S100A5: variants seen among roughly 807,000 people sequenced by gnomAD.
S100A5 encodes the protein S100 calcium binding protein A5, also known as protein S100-A5.
Under a neutral mutation model 6.7 loss-of-function variants are expected in S100A5, and 5 were observed. That is an observed-to-expected ratio of 0.75 (90% CI 0.39 to 1.57). S100A5 has a LOEUF of 1.57. Ranked by LOEUF, S100A5 falls within the 40% of genes most tolerant of loss-of-function variation. S100A5 has a pLI of 0.03. For missense variants in S100A5, 129 were observed against 110.8 expected (o/e 1.16, Z -0.74); for synonymous variants, 49 against 44.9 (o/e 1.09, Z -0.37).
chr1:153,543,581 C>T (rs1352111869), upstream of S100A5: 1 of 703,476 alleles, frequency 1.4e-6, no homozygotes, highest in South Asian at 1.8e-5. Flanking sequence ...TCCCTCAGTC[C>T]CCAACCCACG....
At chr1:153,538,425 A>G (rs1470037827) in intron 2 of S100A5, among the ~76,000 whole-genome samples, 1 of 152,106 alleles carries the variant, frequency 6.6e-6, no homozygotes, top group Non-Finnish European at 1.5e-5. Flanking sequence ...AAAGGCGGAA[A>G]CTGCTTGTCT....
chr1:153,541,701 A>T, upstream of S100A5: 4 of 1,148,730 alleles, frequency 3.5e-6, no homozygotes, highest in Non-Finnish European at 3.3e-6. Context: ...CTGAAATCTG[A>T]TGGAACAATA....
intron 2 of S100A5, among the ~76,000 whole-genome samples, chr1:153,537,873 C>T (rs985508136): frequency 1.7e-4 from 26 of 152,130 alleles, no homozygotes; most frequent in African/African-American, 6.3e-4. Flanking sequence ...CATGGTGAAA[C>T]CCTGTCTCTA....
At chr1:153,541,567 C>A, upstream of S100A5, 8 of 1,246,534 alleles carry the variant, frequency 6.4e-6, no homozygotes, top group Non-Finnish European at 8.3e-6. Context: ...GGGGAGAAAC[C>A]CCTTCTGCCA....
chr1:153,543,560 C>T (rs1019418749), upstream of S100A5: 9 of 622,604 alleles, frequency 1.4e-5, no homozygotes, highest in African/African-American at 1.6e-4. Context: ...CCACCACCAC[C>T]CCACAACATA....
chr1:153,542,235 C>A (rs1249173094), upstream of S100A5, among the ~76,000 whole-genome samples: 1 of 152,200 alleles, frequency 6.6e-6, no homozygotes, highest in Admixed American at 6.5e-5. Flanking sequence ...AGTCCAAGAA[C>A]AGACCTGGGC....
In S100A5 at chr1:153,537,233, T is replaced by A; in HGVS notation, c.*63A>T. On this transcript the variant is annotated 3_prime_UTR_variant, in exon 3 of 3. Transcript: ENST00000368717. ...GGAGGGCAGGGGGCCAAAGAGGGTC[T>A]GTGAGAGGAGCAGCCGAGGTCAGCA... 2 of 1,578,428 alleles carry A rather than the reference T, an allele frequency of 1.3e-6. No homozygotes were observed. Among genetic ancestry groups the A allele is most frequent in the South Asian group, 2.3e-5 (2 of 87,962 alleles).
upstream of S100A5, among the ~76,000 whole-genome samples, chr1:153,540,935 G>A (rs1665364835): frequency 6.6e-6 from 1 of 152,204 alleles, no homozygotes; most frequent in South Asian, 2.1e-4. Flanking sequence ...AGAGACAGAT[G>A]GAGCTCAAGT....
upstream of S100A5, chr1:153,543,148 T>C (rs946332509): frequency 2.7e-5 from 24 of 873,938 alleles, no homozygotes; most frequent in South Asian, 5.2e-5. Flanking sequence ...ACTGTCAACG[T>C]CAGCACTGAG....
intron 2 of S100A5, among the ~76,000 whole-genome samples, chr1:153,538,312 G>C (rs1458359715): frequency 6.6e-6 from 1 of 152,114 alleles, no homozygotes; most frequent in Admixed American, 6.6e-5. Flanking sequence ...ATGGAGTCAG[G>C]GTCCTTTGGG....
At chr1:153,538,590 A>T (rs1354780660) in intron 2 of S100A5, among the ~76,000 whole-genome samples, 1 of 152,164 alleles carries the variant, frequency 6.6e-6, no homozygotes, top group Non-Finnish European at 1.5e-5. Flanking sequence ...AAGGCCAGAG[A>T]TCAGGCCTGG....
At chr1:153,539,424 C>CAAA (rs149327889) in intron 2 of S100A5, among the ~76,000 whole-genome samples, 4 of 35,138 alleles carry the variant, frequency 1.1e-4, no homozygotes, top group Non-Finnish European at 1.8e-4. Context: ...GAGACTCTCT[C>CAAA]AAAAAAAAAA....
intron 2 of S100A5, among the ~76,000 whole-genome samples, chr1:153,539,192 C>A (rs1665285672): frequency 6.6e-6 from 1 of 151,546 alleles, no homozygotes; most frequent in Non-Finnish European, 1.5e-5. Context: ...CTTTGGGAGT[C>A]CGAGGCAGAT....
rs61805734 is a variant in S100A5 at position 153,540,248 on chromosome 1, C to T, written c.-14-43G>A. The T allele has an allele frequency of 5.3e-3, 8,564 of 1,604,224 alleles. 29 individuals carry two copies. The highest frequency in any genetic ancestry group is 6.4e-3 in the Non-Finnish European group (7,553 of 1,172,318). ...AAGATCCCATTCCTCAGGAAGTCAC[C>T]ACCAGCAGCACTAGCCTACCTCTGA... On this transcript the variant is annotated intron_variant, in intron 1 of 2. Coordinates refer to ENST00000368717, the MANE Select transcript of S100A5 (RefSeq NM_001394232.1).
Position 153,537,247 on chromosome 1 carries a change from C to T in S100A5, c.*49G>A, listed in dbSNP as rs1434737587. 6.3e-7 allele frequency: 1 copy of T among 1,592,204 alleles called. No individual in the cohort carries two copies. The highest frequency in any genetic ancestry group is 1.1e-5 in the South Asian group (1 of 89,314). On this transcript the variant is annotated 3_prime_UTR_variant, in exon 3 of 3. Transcript: ENST00000368717. ...CAAAGAGGGTCTGTGAGAGGAGCAGCCGAGGTCAGCAGCAAAGGGTGGAGG... is the reference window on the plus strand; with the variant it reads ...CAAAGAGGGTCTGTGAGAGGAGCAGTCGAGGTCAGCAGCAAAGGGTGGAGG...
chr1:153,539,450 A>AATATAT (rs1173862697), intron 2 of S100A5, among the ~76,000 whole-genome samples: 1,162 of 31,108 alleles, frequency 0.037, 58 homozygotes, highest in South Asian at 0.065. Flanking sequence ...AAAAAAAAAA[A>AATATAT]ATATATATAT....
chr1:153,540,349 T>C (rs1037768804), intron 1 of S100A5, 144 bp from the exon 2 acceptor site: 2 of 756,924 alleles, frequency 2.6e-6, no homozygotes, highest in Non-Finnish European at 4.2e-6. Context: ...CCCATCTATA[T>C]CAGTACAGGT....
chr1:153,541,826 C>A, upstream of S100A5: 1 of 1,039,518 alleles, frequency 9.6e-7, no homozygotes, highest in East Asian at 1.0e-4. Flanking sequence ...CCCCTCCCAC[C>A]CATCCTGCCA....
intron 2 of S100A5, 48 bp downstream of exon 2, chr1:153,540,006 A>G (rs766052553): frequency 5.6e-6 from 9 of 1,606,388 alleles, no homozygotes; most frequent in Non-Finnish European, 7.7e-6. Flanking sequence ...TGTCCCCCAG[A>G]GGGAGTACTC....
Sources: allele counts gnomAD v4.1 joint callset (sites outside exome capture counted in the v4.1 genomes callset), GRCh38; gene constraint gnomAD v4.1.1; transcripts MANE v1.5; gene names NCBI Gene and HGNC (gene_info 2026-07-23, HGNC 2026-07-21).